CELF4: variants seen among roughly 807,000 people sequenced by gnomAD.
CELF4 encodes the protein CUGBP Elav-like family member 4.
CELF4 carries 18 observed loss-of-function variants against 59.9 expected under a neutral mutation model. The observed-to-expected ratio is 0.30, with a 90% CI of 0.21 to 0.45. The LOEUF (loss-of-function observed/expected upper bound fraction) is 0.45. Among genes scored for constraint, CELF4 ranks in the 20% least tolerant of loss-of-function variants. The pLI is 1.00. For synonymous variants in CELF4, 261 were observed against 267.1 expected (o/e 0.98, Z 0.22); for missense variants, 456 against 689.0 (o/e 0.66, Z 3.79).
At chr18:37,470,883 T>TGAGAGAGAGAGAGAGA (rs1569569556) in intron 2 of CELF4, among the ~76,000 whole-genome samples, 4 of 83,522 alleles carry the variant, frequency 4.8e-5, no homozygotes, top group Non-Finnish European at 7.2e-5. Flanking sequence ...TGTGTGTGTG[T>TGAGAGAGAGAGAGAGA]GTGTGACAGA....
Position 37,275,104 on chromosome 18 carries a change from G to T in CELF4, c.577+11C>A. On this transcript the variant is annotated intron_variant, in intron 4 of 12. Transcript: ENST00000420428. ...CCTCCGGGGCATCCCTCCCGGCCCC[G>T]CCCCGCGCACCCTTGCTGTTGCCGT... 2 of 1,612,122 alleles carry T rather than the reference G, an allele frequency of 1.2e-6. No individual in the cohort carries two copies. The highest frequency in any genetic ancestry group is 2.2e-5 in the East Asian group (1 of 44,830).
chr18:37,259,245 C>T lies in CELF4; in HGVS notation c.1269G>A (p.Leu423=). ...QQREGPEGCN[L]FIYHLPQEFG... is the part of the protein sequence containing the mutation. ...ACTCCTGGGGCAGATGGTAGATGAA[C>T]AGGTTACAGCCCTCGGGCCCTGCGG... Residue 423 remains leucine, a synonymous_variant, in exon 11 of 13, where the codon CTG becomes CTA. Coordinates refer to ENST00000420428, the MANE Select transcript of CELF4 (RefSeq NM_020180.4). 1 of 1,379,370 alleles carries T rather than the reference C, an allele frequency of 7.2e-7. No individual in the cohort carries two copies. Among genetic ancestry groups the T allele is most frequent in the Non-Finnish European group, 9.6e-7 (1 of 1,037,638 alleles). The allele number at this position is 1,379,370 out of a possible 1,614,324, so 85.4% of individuals were successfully genotyped here.
At chr18:37,425,432 G>C (rs947312453) in intron 2 of CELF4, among the ~76,000 whole-genome samples, 3 of 152,216 alleles carry the variant, frequency 2.0e-5, no homozygotes, top group Non-Finnish European at 4.4e-5. Flanking sequence ...GTCTCTGAGA[G>C]GCAGCTGCTG....
At chr18:37,524,161 G>A (rs916120623) in intron 1 of CELF4, among the ~76,000 whole-genome samples, 2 of 152,192 alleles carry the variant, frequency 1.3e-5, no homozygotes, top group Admixed American at 6.5e-5. Context: ...TCCCCGCCTT[G>A]AATGAGTCAT....
intron 2 of CELF4, among the ~76,000 whole-genome samples, chr18:37,354,370 G>A (rs1241486612): frequency 6.6e-6 from 1 of 152,050 alleles, no homozygotes; most frequent in Non-Finnish European, 1.5e-5. Context: ...TGAAGCCCAT[G>A]CTTCTGATTG....
intron 2 of CELF4, among the ~76,000 whole-genome samples, chr18:37,359,513 T>C (rs953128814): frequency 6.6e-6 from 1 of 152,152 alleles, no homozygotes; most frequent in African/African-American, 2.4e-5. Context: ...TTTTAATATT[T>C]TGTAGAGACA....
chr18:37,470,879 T>TGAGAGAGAGA (rs1569569553), intron 2 of CELF4, among the ~76,000 whole-genome samples: 1 of 85,098 alleles, frequency 1.2e-5, no homozygotes, highest in Non-Finnish European at 2.4e-5. Flanking sequence ...TGTGTGTGTG[T>TGAGAGAGAGA]GTGTGTGTGA....
At chr18:37,543,623 A>G (rs941840741) in intron 1 of CELF4, among the ~76,000 whole-genome samples, 1 of 152,214 alleles carries the variant, frequency 6.6e-6, no homozygotes, top group Admixed American at 6.5e-5. Context: ...GGCTGGAACC[A>G]GCAGCCGGAC....
At chr18:37,248,510 C>T (rs1306006226) in intron 12 of CELF4, among the ~76,000 whole-genome samples, 1 of 152,146 alleles carries the variant, frequency 6.6e-6, no homozygotes, top group African/African-American at 2.4e-5. Context: ...CGCCTCCAGC[C>T]TTTGCTGCTC....
Position 37,284,751 on chromosome 18 carries a change from C to T in CELF4, c.449-9508G>A, listed in dbSNP as rs2094566014. Among the ~76,000 whole-genome samples the T allele has an allele frequency of 3.9e-5, 6 of 152,342 alleles. No homozygotes were observed. The South Asian group carries it at 1.2e-3, about 32-fold the overall frequency. ...ATCACAATGGTTCTCATTTCGCCCCCAGTTACTATGATCCAGACACTGAGA... is the reference window on the plus strand; with the variant it reads ...ATCACAATGGTTCTCATTTCGCCCCTAGTTACTATGATCCAGACACTGAGA... On this transcript the variant is annotated intron_variant, in intron 3 of 12. Transcript: ENST00000420428.
intron 2 of CELF4, among the ~76,000 whole-genome samples, chr18:37,398,020 C>CG (rs2099267166): frequency 6.6e-6 from 1 of 152,156 alleles, no homozygotes; most frequent in South Asian, 2.1e-4. Context: ...CACTCAGGCC[C>CG]GGGTCAGTGG....
chr18:37,521,741 G>A (rs948019975), intron 1 of CELF4, among the ~76,000 whole-genome samples: 5 of 152,194 alleles, frequency 3.3e-5, no homozygotes, highest in Admixed American at 6.5e-5. Flanking sequence ...AGCACTAGGC[G>A]AGCCTTTTGC....
intron 2 of CELF4, among the ~76,000 whole-genome samples, chr18:37,464,981 T>C (rs2099803986): frequency 6.6e-6 from 1 of 152,172 alleles, no homozygotes; most frequent in Non-Finnish European, 1.5e-5. Context: ...GATGCTGCCA[T>C]GTGCTGGATC....
intron 1 of CELF4, among the ~76,000 whole-genome samples, chr18:37,499,701 G>A (rs1459903922): frequency 6.6e-6 from 1 of 152,212 alleles, no homozygotes; most frequent in Non-Finnish European, 1.5e-5. Context: ...GTGAGGGATG[G>A]TCAATGGTTT....
intron 3 of CELF4, among the ~76,000 whole-genome samples, chr18:37,281,127 C>T (rs926714753): frequency 1.3e-5 from 2 of 152,210 alleles, no homozygotes; most frequent in Admixed American, 6.5e-5. Flanking sequence ...AGTGGAACCT[C>T]AGGATTAGCA....
At chr18:37,536,161 C>G (rs1394146742) in intron 1 of CELF4, among the ~76,000 whole-genome samples, 2 of 151,780 alleles carry the variant, frequency 1.3e-5, no homozygotes, top group Admixed American at 1.3e-4. Context: ...AAATGACGCT[C>G]TCTGAATCAC....
intron 3 of CELF4, among the ~76,000 whole-genome samples, chr18:37,278,496 G>A (rs562914960): frequency 2.0e-5 from 3 of 152,300 alleles, no homozygotes; most frequent in South Asian, 2.1e-4. Flanking sequence ...TGTGGGCCAG[G>A]CCCACTGACT....
intron 2 of CELF4, among the ~76,000 whole-genome samples, chr18:37,417,261 A>C (rs956083930): frequency 2.0e-5 from 3 of 152,074 alleles, no homozygotes; most frequent in Non-Finnish European, 4.4e-5. Context: ...ATGCCCATCC[A>C]TAGGGATGGT....
intron 1 of CELF4, among the ~76,000 whole-genome samples, chr18:37,528,564 G>A (rs977973337): frequency 6.6e-6 from 1 of 152,200 alleles, no homozygotes; most frequent in Non-Finnish European, 1.5e-5. Flanking sequence ...GCAAAGCCAG[G>A]AATCAAGGTG....
Sources: gnomAD v4.1 joint callset for allele counts (sites outside exome capture counted in the v4.1 genomes callset) on GRCh38, gnomAD v4.1.1 for gene constraint, MANE v1.5 for transcripts, NCBI Gene and HGNC (gene_info 2026-07-23, HGNC 2026-07-21) for gene names.